The following SMARCC1 variants were observed in gnomAD, a reference collection of about 807,000 sequenced individuals.
SMARCC1 encodes SWI/SNF related BAF chromatin remodeling complex subunit C1.
In SMARCC1, 43 loss-of-function variants were observed where a neutral mutation model predicts 147.4. That is an observed-to-expected ratio of 0.29 (90% CI 0.23 to 0.38). SMARCC1 has a LOEUF of 0.38. Ranked by LOEUF, SMARCC1 falls within the 10% of genes least tolerant of loss-of-function variation. The pLI, the probability that SMARCC1 is intolerant of heterozygous loss-of-function variation, is 1.00. For missense variants in SMARCC1, 1,119 were observed against 1,381.1 expected (o/e 0.81, Z 3.01); for synonymous variants, 495 against 484.4 (o/e 1.02, Z -0.29).
intron 24 of SMARCC1, among the ~76,000 whole-genome samples, chr3:47,631,505 T>A (rs574561784): frequency 6.6e-6 from 1 of 152,292 alleles, no homozygotes; most frequent in Admixed American, 6.5e-5. Context: ...AAGACCCAGA[T>A]AGAAAGGATC....
Position 47,585,864 on chromosome 3 carries a change from G to C in SMARCC1, c.*2345C>G, listed in dbSNP as rs543828668. 1 of 152,694 alleles carries C rather than the reference G, an allele frequency of 6.5e-6. No individual in the cohort carries two copies. The highest frequency in any genetic ancestry group is 1.9e-4 in the East Asian group (1 of 5,188). 9.5% of individuals were successfully genotyped at this position (152,694 alleles called of 1,614,324 possible). On this transcript the variant is annotated 3_prime_UTR_variant, in exon 28 of 28. Coordinates refer to ENST00000254480, the MANE Select transcript of SMARCC1 (RefSeq NM_003074.4). ...CTTCATAGGATATATGAAGAAACTGGTGTATGAATGCAGAGAATGGGACTA... is the reference window on the plus strand; with the variant it reads ...CTTCATAGGATATATGAAGAAACTGCTGTATGAATGCAGAGAATGGGACTA...
At chr3:47,642,669 G>A (rs2033064353) in intron 21 of SMARCC1, among the ~76,000 whole-genome samples, 1 of 152,184 alleles carries the variant, frequency 6.6e-6, no homozygotes, top group Non-Finnish European at 1.5e-5. Context: ...TGGTAGATCA[G>A]CAGAGAGTCT....
intron 2 of SMARCC1, among the ~76,000 whole-genome samples, chr3:47,755,637 T>A (rs1400545398): frequency 6.6e-6 from 1 of 151,064 alleles, no homozygotes; most frequent in African/African-American, 2.4e-5. Flanking sequence ...GGCGGGCGGA[T>A]CATGAGGTCA....
chr3:47,740,352 C>T (rs1056320351), intron 3 of SMARCC1, among the ~76,000 whole-genome samples: 2 of 151,746 alleles, frequency 1.3e-5, no homozygotes, highest in Non-Finnish European at 2.9e-5. Context: ...TGCACCACCA[C>T]ACCCTGCTAA....
At chr3:47,689,365 C>A (rs746108978) in intron 13 of SMARCC1, 22 bp downstream of exon 13, 1 of 1,604,488 alleles carries the variant, frequency 6.2e-7, no homozygotes, top group Non-Finnish European at 8.5e-7. Context: ...CTCTCTCACA[C>A]CAGGCTTAAC....
At chr3:47,675,398 G>T in intron 18 of SMARCC1, 77 bp downstream of exon 18, 1 of 676,662 alleles carries the variant, frequency 1.5e-6, no homozygotes, top group Non-Finnish European at 2.6e-6. Flanking sequence ...TCAGATTTGA[G>T]TAGAAAGCTC....
At chr3:47,614,798 C>T (rs1231525146) in intron 25 of SMARCC1, among the ~76,000 whole-genome samples, 1 of 152,190 alleles carries the variant, frequency 6.6e-6, no homozygotes, top group Non-Finnish European at 1.5e-5. Context: ...AGGAAGATCA[C>T]TTCAGTCCTC....
rs774623334 is a variant in SMARCC1, at chr3:47,661,381, C to T, written c.2233G>A (p.Ala745Thr). The change falls in exon 21 of 28, where the codon GCA (alanine) becomes ACA (threonine). Residue 745 changes from alanine to threonine, a missense_variant. This residue lies in a region of SMARCC1 where 157 missense variants were observed against 158.6 expected (regional missense o/e 0.99). Transcript: ENST00000254480. Reference sequence around the variant, plus strand: ...GGATCCACTTTCCCAGAGGCTCGTGCTGCTTCTTGTACTTTCTTGACATGA... The same window carrying T: ...GGATCCACTTTCCCAGAGGCTCGTGTTGCTTCTTGTACTTTCTTGACATGA... Reference protein sequence around the residue: ...EAHVKKVQEAARASGKVDPTY... With the variant: ...EAHVKKVQEATRASGKVDPTY... 23 of 1,613,804 alleles carry T rather than the reference C, an allele frequency of 1.4e-5. No homozygotes were observed. The highest frequency in any genetic ancestry group is 1.9e-5 in the Non-Finnish European group (22 of 1,179,892).
chr3:47,689,221 T>C (rs745578195), intron 13 of SMARCC1, among the ~76,000 whole-genome samples, 166 bp downstream of exon 13: 3 of 152,126 alleles, frequency 2.0e-5, no homozygotes, highest in Non-Finnish European at 4.4e-5. Context: ...GGTTCTTATA[T>C]TGTATTTGTT....
intron 26 of SMARCC1, among the ~76,000 whole-genome samples, chr3:47,593,691 A>AC (rs1413909982): frequency 6.6e-6 from 1 of 152,226 alleles, no homozygotes; most frequent in Non-Finnish European, 1.5e-5. Context: ...AGCAGTACTG[A>AC]AGATAATTCA....
At chr3:47,637,856 C>A (rs1394670801) in intron 22 of SMARCC1, among the ~76,000 whole-genome samples, 1 of 152,158 alleles carries the variant, frequency 6.6e-6, no homozygotes, top group African/African-American at 2.4e-5. Context: ...CACACACTGG[C>A]TTTAGTGTCT....
At chr3:47,625,788 T>C (rs1576391311) in intron 24 of SMARCC1, among the ~76,000 whole-genome samples, 1 of 152,148 alleles carries the variant, frequency 6.6e-6, no homozygotes, top group East Asian at 1.9e-4. Flanking sequence ...TCAAGACATG[T>C]AAAAAGCACA....
At chr3:47,725,727 T>C (rs1406158520) in intron 6 of SMARCC1, among the ~76,000 whole-genome samples, 1 of 151,970 alleles carries the variant, frequency 6.6e-6, no homozygotes, top group Non-Finnish European at 1.5e-5. Context: ...GCTGGGATTA[T>C]AGGCATGAGC....
chr3:47,742,672 T>C (rs533600471), intron 3 of SMARCC1, among the ~76,000 whole-genome samples: 1 of 152,272 alleles, frequency 6.6e-6, no homozygotes, highest in East Asian at 1.9e-4. Context: ...AGCCTCTACA[T>C]CCTGAACTCA....
At chr3:47,777,477 T>C (rs953320817) in intron 1 of SMARCC1, among the ~76,000 whole-genome samples, 2 of 151,880 alleles carry the variant, frequency 1.3e-5, no homozygotes, top group Admixed American at 6.6e-5. Context: ...AGGACTACTT[T>C]GAGTCCAGAA....
intron 24 of SMARCC1, among the ~76,000 whole-genome samples, chr3:47,631,037 C>T (rs1331790295): frequency 6.6e-6 from 1 of 151,608 alleles, no homozygotes; most frequent in Non-Finnish European, 1.5e-5. Flanking sequence ...TGCATTCTAG[C>T]CTGGGCAACA....
At chr3:47,689,202 T>G (rs1378380877) in intron 13 of SMARCC1, among the ~76,000 whole-genome samples, 185 bp downstream of exon 13, 2 of 151,882 alleles carry the variant, frequency 1.3e-5, no homozygotes, top group African/African-American at 4.8e-5. Flanking sequence ...AAAAACACCT[T>G]CCAGAAATGG....
intron 11 of SMARCC1, among the ~76,000 whole-genome samples, chr3:47,699,877 A>G (rs564517540): frequency 6.6e-6 from 1 of 152,164 alleles, no homozygotes; most frequent in South Asian, 2.1e-4. Flanking sequence ...AAATTTCTCA[A>G]TAATGAAAAA....
At position 47,689,403 on chromosome 3, in the gene SMARCC1, A is replaced by G. The variant is rs2106772846; in HGVS notation, c.1247T>C (p.Val416Ala). 2 of 1,613,450 alleles carry G rather than the reference A, an allele frequency of 1.2e-6. No homozygotes were observed. Among genetic ancestry groups the G allele is most frequent in the East Asian group, 2.2e-5 (1 of 44,862 alleles). ...AATTGTTACCTTTCCTCCTGCTGTGACTGTTTCTTCATCCTGCTCATCTGC... is the reference window on the plus strand; with the variant it reads ...AATTGTTACCTTTCCTCCTGCTGTGGCTGTTTCTTCATCCTGCTCATCTGC... The part of the protein sequence containing the change: ...ADLDEQDEET[V>A]TAGGKEDEDP... Residue 416 changes from valine (V) to alanine (A), a missense_variant, in exon 13 of 28, where the codon GTC (valine) becomes GCC (alanine). Around this residue, in one of 6 missense-constraint regions of SMARCC1, gnomAD observed 542 missense variants for 611.8 expected, o/e 0.89. Coordinates refer to ENST00000254480, the MANE Select transcript of SMARCC1 (RefSeq NM_003074.4).
Sources: allele counts gnomAD v4.1 joint callset (sites outside exome capture counted in the v4.1 genomes callset), GRCh38; gene constraint gnomAD v4.1.1; regional missense constraint gnomAD v4.1.1; transcripts MANE v1.5; gene names NCBI Gene and HGNC (gene_info 2026-07-23, HGNC 2026-07-21).